Variants in OPCML observed in about 807,000 individuals in gnomAD.
OPCML encodes the protein opioid-binding protein/cell adhesion molecule.
Under a neutral mutation model 37.8 loss-of-function variants are expected in OPCML, and 13 were observed. That is an observed-to-expected ratio of 0.34 (90% confidence interval 0.22 to 0.55). The LOEUF is 0.55. Among genes scored for constraint, OPCML ranks in the 20% least tolerant of loss-of-function variants. The probability of loss-of-function intolerance (pLI) is 0.91; values close to 1 mark genes in which losing one functional copy is unlikely to be tolerated. For synonymous variants in OPCML, 176 were observed against 168.8 expected (o/e 1.04, Z -0.33); for missense variants, 341 against 435.6 (o/e 0.78, Z 1.93).
intron 1 of OPCML, among the ~76,000 whole-genome samples, chr11:133,162,657 A>G (rs1429359929): frequency 6.6e-6 from 1 of 152,128 alleles, no homozygotes; most frequent in African/African-American, 2.4e-5. Flanking sequence ...CTCATGCAAG[A>G]AACTTTGCAG....
rs1160677866 is a variant in OPCML, at chr11:133,140,199, A to AATAATG, written c.62-197190_62-197189insCATTAT. On this transcript the variant is annotated intron_variant, in intron 1 of 7. Coordinates refer to ENST00000524381, the MANE Select transcript of OPCML (RefSeq NM_001012393.5). ...GAGACTCCGTCTCAATAATAATAAT[A>AATAATG]ATAATAATAATAATAATAATAATAC... Among the ~76,000 whole-genome samples the AATAATG allele has an allele frequency of 2.1e-4, 29 of 136,036 alleles. 2 individuals carry two copies. The highest frequency in any genetic ancestry group is 1.6e-3 in the Admixed American group (21 of 13,376). The allele number at this position is 136,036 out of a possible 152,430, so 89.2% of individuals were successfully genotyped here.
intron 1 of OPCML, among the ~76,000 whole-genome samples, chr11:132,964,816 G>T (rs1482463056): frequency 6.6e-6 from 1 of 152,084 alleles, no homozygotes; most frequent in Non-Finnish European, 1.5e-5. Flanking sequence ...CTTTATGAAG[G>T]CCAGAGAGGA....
intron 1 of OPCML, among the ~76,000 whole-genome samples, chr11:133,287,727 G>A (rs1942343735): frequency 6.6e-6 from 1 of 152,206 alleles, no homozygotes; most frequent in African/African-American, 2.4e-5. Context: ...GTCAGCAGGG[G>A]CCCGTGCAGG....
At chr11:133,296,298 G>C (rs1451245768) in intron 1 of OPCML, among the ~76,000 whole-genome samples, 1 of 152,154 alleles carries the variant, frequency 6.6e-6, no homozygotes, top group African/African-American at 2.4e-5. Flanking sequence ...ATTTTATTTA[G>C]ATTGAGGTCT....
intron 2 of OPCML, among the ~76,000 whole-genome samples, chr11:132,856,637 G>A (rs1282226757): frequency 1.3e-5 from 2 of 152,182 alleles, no homozygotes; most frequent in Non-Finnish European, 2.9e-5. Flanking sequence ...AAATGGCAGA[G>A]TTTAACTGGT....
intron 3 of OPCML, among the ~76,000 whole-genome samples, chr11:132,597,984 T>TC (rs1453233338): frequency 1.3e-5 from 2 of 152,108 alleles, no homozygotes; most frequent in Non-Finnish European, 2.9e-5. Flanking sequence ...TTTACTCATT[T>TC]CTTTTTTTTT....
intron 1 of OPCML, among the ~76,000 whole-genome samples, chr11:133,017,072 G>A (rs181591505): frequency 6.6e-6 from 1 of 152,284 alleles, no homozygotes; most frequent in East Asian, 1.9e-4. Flanking sequence ...AGACCAAGGT[G>A]CCTGCAGGGT....
At chr11:133,444,959 CACA>C (rs1946443907) in intron 1 of OPCML, among the ~76,000 whole-genome samples, 1 of 144,274 alleles carries the variant, frequency 6.9e-6, no homozygotes, top group African/African-American at 2.7e-5. Context: ...ACCCCATCTA[CACA>C]ATTTCAGGTA....
chr11:133,530,676 C>T (rs1948587258), intron 1 of OPCML, among the ~76,000 whole-genome samples: 1 of 152,248 alleles, frequency 6.6e-6, no homozygotes, highest in South Asian at 2.1e-4. Flanking sequence ...ACAACAACAG[C>T]AACCCCCACT....
At chr11:132,659,871 A>G (rs1478473540) in intron 2 of OPCML, among the ~76,000 whole-genome samples, 1 of 152,148 alleles carries the variant, frequency 6.6e-6, no homozygotes, top group African/African-American at 2.4e-5. Flanking sequence ...TTTCCACTAT[A>G]TATCTTCTGC....
intron 1 of OPCML, among the ~76,000 whole-genome samples, chr11:133,383,493 G>A (rs1377484081): frequency 2.0e-5 from 3 of 152,096 alleles, no homozygotes; most frequent in Non-Finnish European, 4.4e-5. Context: ...CCCTCTTACT[G>A]TAAGGAATTT....
intron 1 of OPCML, among the ~76,000 whole-genome samples, chr11:133,277,389 A>G (rs1592160841): frequency 6.9e-6 from 1 of 145,460 alleles, no homozygotes; most frequent in South Asian, 2.2e-4. Context: ...CTTCAGGTGT[A>G]AAAAAAAAAC....
At chr11:133,057,294 GTAGATCA>G (rs1162990443) in intron 1 of OPCML, among the ~76,000 whole-genome samples, 1 of 152,246 alleles carries the variant, frequency 6.6e-6, no homozygotes, top group East Asian at 1.9e-4. Context: ...GAGGGCCAAT[GTAGATCA>G]TAGATTGGCA....
At chr11:132,877,189 G>C (rs369484474) in intron 2 of OPCML, among the ~76,000 whole-genome samples, 16 of 152,256 alleles carry the variant, frequency 1.1e-4, no homozygotes, top group African/African-American at 3.9e-4. Flanking sequence ...CAAAATGTGA[G>C]ATTCATCTTT....
chr11:132,504,207 C>T (rs79759941), intron 4 of OPCML, among the ~76,000 whole-genome samples: 10,623 of 152,186 alleles, frequency 0.07, 412 homozygotes, highest in Middle Eastern at 0.12. Flanking sequence ...CAAATCATGG[C>T]ATGCCTTATC....
At chr11:133,138,596 A>T (rs1196409292) in intron 1 of OPCML, among the ~76,000 whole-genome samples, 1 of 152,208 alleles carries the variant, frequency 6.6e-6, no homozygotes, top group African/African-American at 2.4e-5. Flanking sequence ...CATGGTAATG[A>T]ACATGCCTTC....
At chr11:132,599,492 G>A (rs974348265) in intron 3 of OPCML, among the ~76,000 whole-genome samples, 14 of 151,900 alleles carry the variant, frequency 9.2e-5, no homozygotes, top group African/African-American at 2.9e-4. Context: ...AAGAAAAAGA[G>A]ACAAAACCTA....
chr11:132,463,566 A>G (rs2096109931), intron 4 of OPCML, among the ~76,000 whole-genome samples: 1 of 152,192 alleles, frequency 6.6e-6, no homozygotes, highest in African/African-American at 2.4e-5. Context: ...CTGCTGTACC[A>G]CACTGCAAGG....
At chr11:133,295,150 T>C (rs1204023178) in intron 1 of OPCML, among the ~76,000 whole-genome samples, 3 of 152,182 alleles carry the variant, frequency 2.0e-5, no homozygotes, top group African/African-American at 4.8e-5. Flanking sequence ...CAAACCCAAC[T>C]TCTTTCACTA....
Sources: allele counts gnomAD v4.1 joint callset (sites outside exome capture counted in the v4.1 genomes callset), GRCh38; gene constraint gnomAD v4.1.1; transcripts MANE v1.5; gene names NCBI Gene and HGNC (gene_info 2026-07-23, HGNC 2026-07-21).